Variants in GRK7 observed in about 807,000 individuals in gnomAD.
GRK7 encodes G protein-coupled receptor kinase 7, also known as rhodopsin kinase GRK7.
GRK7 carries 24 observed loss-of-function variants against 34.1 expected under a neutral mutation model. The ratio of observed to expected loss-of-function variants is 0.70; its 90% CI spans 0.51 to 0.99. The LOEUF (loss-of-function observed/expected upper bound fraction) is 0.99. Among genes scored for constraint, GRK7 ranks in the 50% least tolerant of loss-of-function variants. The pLI is 0.00. For synonymous variants in GRK7, 256 were observed against 279.4 expected (o/e 0.92, Z 0.84); for missense variants, 644 against 707.3 (o/e 0.91, Z 1.02).
At chr3:141,770,641 C>T (rs139782556) in intron 1 of GRK7, among the ~76,000 whole-genome samples, 6 of 151,328 alleles carry the variant, frequency 4.0e-5, no homozygotes, top group Admixed American at 6.6e-5. Context: ...AAATGGCCAA[C>T]AAGCATATAA....
At chr3:141,768,949 T>A (rs1395420544) in intron 1 of GRK7, among the ~76,000 whole-genome samples, 7 of 152,200 alleles carry the variant, frequency 4.6e-5, no homozygotes, top group African/African-American at 1.4e-4. Flanking sequence ...ATGATAAATG[T>A]TGAATGACCT....
At chr3:141,756,983 T>C in the GRK7 span, among the ~76,000 whole-genome samples, 13 of 152,100 alleles carry the variant, frequency 8.5e-5, no homozygotes, top group Admixed American at 6.5e-4. Context: ...ATTAATTCCA[T>C]CTCTCTTCTA....
intron 4 of GRK7, among the ~76,000 whole-genome samples, chr3:141,806,022 C>T (rs757761804): frequency 6.6e-6 from 1 of 152,158 alleles, no homozygotes; most frequent in Non-Finnish European, 1.5e-5. Flanking sequence ...ACAATCATTA[C>T]ATATATAAAT....
chr3:141,768,351 C>T (rs1245664071), intron 1 of GRK7, among the ~76,000 whole-genome samples: 5 of 151,838 alleles, frequency 3.3e-5, no homozygotes, highest in Non-Finnish European at 7.4e-5. Context: ...CTGCAGACTC[C>T]GCCTCAGCCT....
At chr3:141,797,402 A>T (rs1166441633) in intron 4 of GRK7, among the ~76,000 whole-genome samples, 1 of 152,112 alleles carries the variant, frequency 6.6e-6, no homozygotes, top group Non-Finnish European at 1.5e-5. Flanking sequence ...CATTCCTCCG[A>T]GGTCTGCAAA....
At chr3:141,758,848 T>C (rs1320460755), upstream of GRK7, among the ~76,000 whole-genome samples, 1 of 151,876 alleles carries the variant, frequency 6.6e-6, no homozygotes, top group East Asian at 1.9e-4. Context: ...TGGTTTGTAA[T>C]TCTCCTTGAA....
intron 3 of GRK7, among the ~76,000 whole-genome samples, chr3:141,779,422 A>AAAAAAG (rs1553735442): frequency 1.3e-5 from 2 of 151,656 alleles, no homozygotes. Context: ...AAAAAAAAAA[A>AAAAAAG]AAAAGAAAGA....
chr3:141,778,920 C>T lies in GRK7; in HGVS notation c.612+24C>T. The stretch of plus-strand genomic sequence containing the variant: ...AGGTAAGTGTCTCCCAGTAGCCAGG[C>T]TAGAAGGTGAAGCATAGAGCATGAA... On this transcript the variant is annotated intron_variant, in intron 3 of 5. Transcript: ENST00000682958. This position sits in a 1 kb window ranked among gnomAD's most constrained non-coding sequence, Gnocchi z 4.1. 6.3e-7 allele frequency: 1 copy of T among 1,584,374 alleles called. No individual in the cohort carries two copies. The highest frequency in any genetic ancestry group is 8.6e-7 in the Non-Finnish European group (1 of 1,168,528).
intron 4 of GRK7, among the ~76,000 whole-genome samples, chr3:141,807,236 C>T (rs917227095): frequency 5.3e-5 from 8 of 152,254 alleles, no homozygotes; most frequent in Admixed American, 2.0e-4. Context: ...AAATCATATA[C>T]ATCTAATTTT....
At chr3:141,798,664 G>A (rs1710918182) in intron 4 of GRK7, among the ~76,000 whole-genome samples, 1 of 152,144 alleles carries the variant, frequency 6.6e-6, no homozygotes, top group Admixed American at 6.6e-5. Flanking sequence ...GCTGCTTGGC[G>A]CGTTCTCTCC....
At chr3:141,782,882 G>A (rs1005647419) in intron 4 of GRK7, among the ~76,000 whole-genome samples, 10 of 151,916 alleles carry the variant, frequency 6.6e-5, no homozygotes, top group African/African-American at 2.4e-4. Context: ...AGTTAGAGAT[G>A]GGTTTCAGGG....
Position 141,766,313 on chromosome 3 carries a change from G to A in GRK7, c.-215+575G>A, listed in dbSNP as rs532061278. Among the ~76,000 whole-genome samples, 38 of 152,024 alleles carry A rather than the reference G, an allele frequency of 2.5e-4. No individual in the cohort carries two copies. In the East Asian group the frequency reaches 5.8e-3, roughly 23 times the overall value. ...CGAGTAGCTGGGACTACAGGCACCC[G>A]CCACCACGCCCAGCTAGTTTTTTGT... On this transcript the variant is annotated intron_variant, in intron 1 of 5. Coordinates refer to ENST00000682958, the MANE Select transcript of GRK7 (RefSeq NM_139209.3).
At chr3:141,789,017 G>A (rs1246629551) in intron 4 of GRK7, among the ~76,000 whole-genome samples, 2 of 152,132 alleles carry the variant, frequency 1.3e-5, no homozygotes, top group African/African-American at 2.4e-5. Context: ...ATTTCACCAT[G>A]TTGGCCAAGC....
At chr3:141,794,291 G>C (rs977661757) in intron 4 of GRK7, among the ~76,000 whole-genome samples, 2 of 152,222 alleles carry the variant, frequency 1.3e-5, no homozygotes, top group Non-Finnish European at 2.9e-5. Flanking sequence ...CTGTCCATGG[G>C]CACTGGAAAC....
rs376522433 is a variant in GRK7 at position 141,780,608 on chromosome 3, G to A, written c.847G>A (p.Val283Met). The A allele has an allele frequency of 1.6e-5, 26 of 1,614,082 alleles. No homozygotes were observed. Among genetic ancestry groups the A allele is most frequent in the East Asian group, 4.5e-5 (2 of 44,892 alleles). The change falls in exon 4 of 6, where the codon GTG (valine) becomes ATG (methionine). Residue 283 changes from valine (V) to methionine (M), a missense_variant. Coordinates refer to ENST00000682958, the MANE Select transcript of GRK7 (RefSeq NM_139209.3). ...AGACCTCAAGTTCCACATCTACAAC[G>A]TGGGCACGCGTGGCCTGGACATGAG... ...GGDLKFHIYN[V>M]GTRGLDMSRV... is the part of the protein sequence containing the mutation.
At chr3:141,795,361 C>T (rs1301418001) in intron 4 of GRK7, among the ~76,000 whole-genome samples, 1 of 152,170 alleles carries the variant, frequency 6.6e-6, no homozygotes, top group Non-Finnish European at 1.5e-5. Flanking sequence ...ATAGCACAGC[C>T]CCCAACACAA....
the GRK7 span, among the ~76,000 whole-genome samples, chr3:141,756,506 G>A: frequency 2.4e-4 from 36 of 152,156 alleles, no homozygotes; most frequent in Non-Finnish European, 1.8e-4. Context: ...TTGTCTCTCA[G>A]CGAGGGGTAT....
At chr3:141,813,786 A>G (rs1206454040) in intron 5 of GRK7, among the ~76,000 whole-genome samples, 1 of 152,222 alleles carries the variant, frequency 6.6e-6, no homozygotes, top group African/African-American at 2.4e-5. Flanking sequence ...TTCCTTTGAA[A>G]AAGTCACCTA....
At chr3:141,800,419 AAGAC>A (rs1324504100) in intron 4 of GRK7, among the ~76,000 whole-genome samples, 1 of 151,856 alleles carries the variant, frequency 6.6e-6, no homozygotes, top group Admixed American at 6.6e-5. Context: ...TTCAAAATGA[AAGAC>A]AGAACCAAAA....
Sources: allele counts gnomAD v4.1 joint callset (sites outside exome capture counted in the v4.1 genomes callset), GRCh38; gene constraint gnomAD v4.1.1; non-coding constraint Gnocchi (gnomAD v3.1); transcripts MANE v1.5; gene names NCBI Gene and HGNC (gene_info 2026-07-23, HGNC 2026-07-21).